The following DLX4 variants were observed in gnomAD, a reference collection of about 807,000 sequenced individuals.
DLX4 encodes the protein distal-less homeobox 4, also known as homeobox protein DLX-4.
DLX4 carries 13 observed loss-of-function variants against 17.1 expected under a neutral mutation model. The ratio of observed to expected loss-of-function variants is 0.76; its 90% confidence interval spans 0.49 to 1.21. DLX4 has a LOEUF of 1.21. DLX4 is among the 50% of genes most tolerant of loss of function. The pLI, the probability that DLX4 is intolerant of heterozygous loss-of-function variation, is 0.00. For synonymous variants in DLX4, 129 were observed against 140.3 expected, an observed-to-expected ratio of 0.92 and a Z score of 0.57; for missense variants, 297 against 301.4, an observed-to-expected ratio of 0.99 and a Z score of 0.11.
At chr17:49,970,518 C>T (rs1905468976) in intron 1 of DLX4, among the ~76,000 whole-genome samples, 1 of 152,202 alleles carries the variant, frequency 6.6e-6, no homozygotes, top group African/African-American at 2.4e-5. Context: ...TGGAGCAACT[C>T]TGAGCTCCTG....
At position 49,969,362 on chromosome 17, in the gene DLX4, G is replaced by C; in HGVS notation, c.-107G>C. 2.3e-6 allele frequency: 3 copies of C among 1,304,386 alleles called. No homozygotes were observed. Among genetic ancestry groups the C allele is most frequent in the Non-Finnish European group, 3.1e-6 (3 of 971,502 alleles). The allele number at this position is 1,304,386 out of a possible 1,614,324, so 80.8% of individuals were successfully genotyped here. The stretch of plus-strand genomic sequence containing the variant: ...CGGGATCTTAAGTGTGGGGGCTGCT[G>C]GCTGGGGGGCCCGTCCGGCCCAACG... On this transcript the variant is annotated 5_prime_UTR_variant, in exon 1 of 3. Transcript: ENST00000240306.
In DLX4 at chr17:49,974,012, C is replaced by T; in HGVS notation, c.*69C>T. The T allele has an allele frequency of 6.7e-7, 1 of 1,495,544 alleles. No homozygotes were observed. Among genetic ancestry groups the T allele is most frequent in the Non-Finnish European group, 8.9e-7 (1 of 1,121,758 alleles). 92.6% of individuals were successfully genotyped at this position (1,495,544 alleles called of 1,614,324 possible). A position where few individuals can be genotyped will look rare whatever the true frequency, so the allele number is the denominator to read the frequency against. On this transcript the variant is annotated 3_prime_UTR_variant, in exon 3 of 3. Coordinates refer to ENST00000240306, the MANE Select transcript of DLX4 (RefSeq NM_138281.3). ...CCAGGACCCAGGCAGTCCACCTGCACCCCTTCTGGGCTGGGAGGAAACCAG... is the reference window on the plus strand; with the variant it reads ...CCAGGACCCAGGCAGTCCACCTGCATCCCTTCTGGGCTGGGAGGAAACCAG...
rs1302022438 is a variant in DLX4 at position 49,972,792 on chromosome 17, TGGCCCTC to T, written c.284-277_284-271del. ...CGCAGGCGCCGCGGTACCCTGGCTG[TGGCCCTC>T]GGCGCTTTCTTCCTAGGGTCACAGG... On this transcript the variant is annotated intron_variant, in intron 1 of 2. Coordinates refer to ENST00000240306, the MANE Select transcript of DLX4 (RefSeq NM_138281.3). This position sits in a 1 kb window ranked among gnomAD's most constrained non-coding sequence, Gnocchi z 5.4. 5.0e-6 allele frequency: 7 copies of T among 1,388,472 alleles called. No individual in the cohort carries two copies. In the East Asian group the frequency reaches 1.4e-4, roughly 27 times the overall value. 86.0% of individuals were successfully genotyped at this position (1,388,472 alleles called of 1,614,324 possible).
At position 49,972,876 on chromosome 17, in the gene DLX4, G is replaced by A. The variant is rs1905557943; in HGVS notation, c.284-197G>A. 4.1e-6 allele frequency: 6 copies of A among 1,446,812 alleles called. No individual in the cohort carries two copies. In the East Asian group the frequency reaches 1.0e-4, roughly 24 times the overall value. 89.6% of individuals were successfully genotyped at this position (1,446,812 alleles called of 1,614,324 possible). On this transcript the variant is annotated intron_variant, in intron 1 of 2. Transcript: ENST00000240306. This position sits in a 1 kb window ranked among gnomAD's most constrained non-coding sequence, Gnocchi z 5.4. ...AGCAGAACTGCGTCTTGTATCACCT[G>A]GCGCGGTGAACGTGGGGGTTGAAAC... is the stretch of plus-strand genomic sequence containing the variant.
Position 49,972,825 on chromosome 17 carries a change from A to G in DLX4, c.284-248A>G. 7.0e-7 allele frequency: 1 copy of G among 1,423,666 alleles called. No homozygotes were observed. 88.2% of individuals were successfully genotyped at this position (1,423,666 alleles called of 1,614,324 possible). A position where few individuals can be genotyped will look rare whatever the true frequency, so the allele number is the denominator to read the frequency against. ...GGCGCTTTCTTCCTAGGGTCACAGG[A>G]CCCATACGAGTGGGAGCTCCCTGGG... On this transcript the variant is annotated intron_variant, in intron 1 of 2. Coordinates refer to ENST00000240306, the MANE Select transcript of DLX4 (RefSeq NM_138281.3). The surrounding 1 kb of genome is among the most constrained non-coding windows in gnomAD (Gnocchi z 5.4).
In DLX4 at chr17:49,973,183, C is replaced by A; in HGVS notation, c.394C>A (p.Leu132Ile). Residue 132 changes from leucine (L) to isoleucine (I), a missense_variant, in exon 2 of 3, where the codon CTA (leucine) becomes ATA (isoleucine). Transcript: ENST00000240306. ...TIYSSLQLQHLNQRFQHTQYL... is the reference protein window; with the variant it reads ...TIYSSLQLQHINQRFQHTQYL... ...CTACTCCAGCCTGCAGCTGCAGCACCTAAACCAGCGTTTCCAGCACACGCA... is the reference window on the plus strand; with the variant it reads ...CTACTCCAGCCTGCAGCTGCAGCACATAAACCAGCGTTTCCAGCACACGCA... 1 of 1,614,224 alleles carries A rather than the reference C, an allele frequency of 6.2e-7. No individual in the cohort carries two copies. Among genetic ancestry groups the A allele is most frequent in the East Asian group, 2.2e-5 (1 of 44,882 alleles).
chr17:49,970,480 G>A (rs1335457973), intron 1 of DLX4, among the ~76,000 whole-genome samples: 3 of 152,194 alleles, frequency 2.0e-5, no homozygotes, highest in Non-Finnish European at 2.9e-5. Flanking sequence ...TTGGCTTTGG[G>A]GTAGGTTAGG....
intron 2 of DLX4, 83 bp downstream of exon 2, chr17:49,973,352 T>C (rs753916651): frequency 8.2e-5 from 126 of 1,535,510 alleles, no homozygotes; most frequent in Admixed American, 3.2e-4. Flanking sequence ...TGTGAATGAC[T>C]GATGGATTGG....
chr17:49,973,763 G>A lies in DLX4; in HGVS notation c.543G>A (p.Gly181=), dbSNP rs1598148578. The A allele has an allele frequency of 6.4e-7, 1 of 1,551,192 alleles. No individual in the cohort carries two copies. Residue 181 remains glycine, a synonymous_variant, in exon 3 of 3, where the codon GGG becomes GGA. Coordinates refer to ENST00000240306, the MANE Select transcript of DLX4 (RefSeq NM_138281.3). ...KYKKLLKQNS[G]GQEGDFPGRT... is the part of the protein sequence containing the mutation. ...AGAAGCTCCTGAAGCAGAATTCTGG[G>A]GGGCAGGAAGGGGACTTCCCTGGGA...
chr17:49,969,387 G>T lies in DLX4; in HGVS notation c.-82G>T. 1 of 1,447,386 alleles carries T rather than the reference G, an allele frequency of 6.9e-7. No individual in the cohort carries two copies. The highest frequency in any genetic ancestry group is 9.1e-7 in the Non-Finnish European group (1 of 1,099,908). The allele number at this position is 1,447,386 out of a possible 1,614,324, so 89.7% of individuals were successfully genotyped here. A position where few individuals can be genotyped will look rare whatever the true frequency, so the allele number is the denominator to read the frequency against. On this transcript the variant is annotated 5_prime_UTR_variant, in exon 1 of 3. Coordinates refer to ENST00000240306, the MANE Select transcript of DLX4 (RefSeq NM_138281.3). ...GGCTGGGGGGCCCGTCCGGCCCAAC[G>T]CCGGAGGCTTGGAAAAGAGAGTTGG...
Position 49,969,379 on chromosome 17 carries a change from G to A in DLX4, c.-90G>A, listed in dbSNP as rs550167186. ...GGGCTGCTGGCTGGGGGGCCCGTCC[G>A]GCCCAACGCCGGAGGCTTGGAAAAG... is the stretch of plus-strand genomic sequence containing the variant. On this transcript the variant is annotated 5_prime_UTR_variant, in exon 1 of 3. Transcript: ENST00000240306. The A allele has an allele frequency of 4.9e-5, 69 of 1,418,400 alleles. No individual in the cohort carries two copies. The highest frequency in any genetic ancestry group is 5.7e-5 in the Non-Finnish European group (61 of 1,075,730). The allele number at this position is 1,418,400 out of a possible 1,614,324, so 87.9% of individuals were successfully genotyped here. A position where few individuals can be genotyped will look rare whatever the true frequency, so the allele number is the denominator to read the frequency against.
chr17:49,974,016 T>C lies in DLX4; in HGVS notation c.*73T>C. 3.4e-6 allele frequency: 5 copies of C among 1,468,836 alleles called. No individual in the cohort carries two copies. Among genetic ancestry groups the C allele is most frequent in the Non-Finnish European group, 4.5e-6 (5 of 1,113,980 alleles). The allele number at this position is 1,468,836 out of a possible 1,614,324, so 91.0% of individuals were successfully genotyped here. A position where few individuals can be genotyped will look rare whatever the true frequency, so the allele number is the denominator to read the frequency against. ...GACCCAGGCAGTCCACCTGCACCCC[T>C]TCTGGGCTGGGAGGAAACCAGCTCC... On this transcript the variant is annotated 3_prime_UTR_variant, in exon 3 of 3. Transcript: ENST00000240306.
Position 49,973,743 on chromosome 17 carries a change from C to A in DLX4, c.523C>A (p.Leu175Ile). The change falls in exon 3 of 3, where the codon CTC (leucine) becomes ATC (isoleucine). Residue 175 changes from leucine to isoleucine, a missense_variant. Leu to Ile is a conservative substitution (Grantham distance 5, BLOSUM62 2). Coordinates refer to ENST00000240306, the MANE Select transcript of DLX4 (RefSeq NM_138281.3). ...GAACAAACGCTCCAAGTATAAGAAGCTCCTGAAGCAGAATTCTGGGGGGCA... is the reference window on the plus strand; with the variant it reads ...GAACAAACGCTCCAAGTATAAGAAGATCCTGAAGCAGAATTCTGGGGGGCA... ...FQNKRSKYKK[L>I]LKQNSGGQEG... 6.5e-7 allele frequency: 1 copy of A among 1,527,836 alleles called. No individual in the cohort carries two copies. Among genetic ancestry groups the A allele is most frequent in the Non-Finnish European group, 8.8e-7 (1 of 1,137,866 alleles). 94.6% of individuals were successfully genotyped at this position (1,527,836 alleles called of 1,614,324 possible). A position where few individuals can be genotyped will look rare whatever the true frequency, so the allele number is the denominator to read the frequency against.
rs531388419 is a variant in DLX4, at chr17:49,972,830, T to C, written c.284-243T>C. 37 of 1,425,612 alleles carry C rather than the reference T, an allele frequency of 2.6e-5. No homozygotes were observed. The African/African-American group carries it at 2.9e-4, about 11-fold the overall frequency. 88.3% of individuals were successfully genotyped at this position (1,425,612 alleles called of 1,614,324 possible). On this transcript the variant is annotated intron_variant, in intron 1 of 2. Transcript: ENST00000240306. The surrounding 1 kb of genome is among the most constrained non-coding windows in gnomAD (Gnocchi z 5.4). The stretch of plus-strand genomic sequence containing the variant: ...TTTCTTCCTAGGGTCACAGGACCCA[T>C]ACGAGTGGGAGCTCCCTGGGAGCAG...
At position 49,969,561 on chromosome 17, in the gene DLX4, C is replaced by T. The variant is rs749841142; in HGVS notation, c.93C>T (p.Tyr31=). Residue 31 remains tyrosine (Y), a synonymous_variant, in exon 1 of 3, where the codon TAC becomes TAT. Transcript: ENST00000240306. ...LAPVPSVAAA[Y]PLGLSPTTAA... is the part of the protein sequence containing the mutation. ...CTGTCCCGTCGGTAGCGGCTGCCTACCCGCTTGGCTTGTCCCCTACAACCG... is the reference window on the plus strand; with the variant it reads ...CTGTCCCGTCGGTAGCGGCTGCCTATCCGCTTGGCTTGTCCCCTACAACCG... The T allele has an allele frequency of 1.2e-6, 2 of 1,613,480 alleles. No homozygotes were observed. The highest frequency in any genetic ancestry group is 1.6e-4 in the Middle Eastern group (1 of 6,084).
chr17:49,969,695 C>T lies in DLX4; in HGVS notation c.227C>T (p.Ala76Val). Reference protein sequence around the residue: ...GDSYLSCQQPAALSQPLCGPA... With the variant: ...GDSYLSCQQPVALSQPLCGPA... ...TCCTACCTGTCCTGCCAGCAACCCG[C>T]GGCGCTCTCTCAGCCCCTCTGCGGA... Residue 76 changes from alanine to valine, a missense_variant, in exon 1 of 3, where the codon GCG becomes GTG. Transcript: ENST00000240306. 1 of 1,604,026 alleles carries T rather than the reference C, an allele frequency of 6.2e-7. No homozygotes were observed. Among genetic ancestry groups the T allele is most frequent in the African/African-American group, 1.3e-5 (1 of 74,990 alleles).
Position 49,969,697 on chromosome 17 carries a change from G to A in DLX4, c.229G>A (p.Ala77Thr), listed in dbSNP as rs747294059. 6.9e-6 allele frequency: 11 copies of A among 1,603,530 alleles called. No individual in the cohort carries two copies. The highest frequency in any genetic ancestry group is 8.5e-6 in the Non-Finnish European group (10 of 1,179,808). The change falls in exon 1 of 3, where the codon GCG becomes ACG. Residue 77 changes from alanine (A) to threonine (T), a missense_variant. Coordinates refer to ENST00000240306, the MANE Select transcript of DLX4 (RefSeq NM_138281.3). ...DSYLSCQQPA[A>T]LSQPLCGPAE... Reference sequence around the variant, plus strand: ...CTACCTGTCCTGCCAGCAACCCGCGGCGCTCTCTCAGCCCCTCTGCGGACC... The same window carrying A: ...CTACCTGTCCTGCCAGCAACCCGCGACGCTCTCTCAGCCCCTCTGCGGACC...
At chr17:49,968,675 G>A (rs1039529275), upstream of DLX4, among the ~76,000 whole-genome samples, 5 of 151,918 alleles carry the variant, frequency 3.3e-5, no homozygotes, top group Non-Finnish European at 7.4e-5. Context: ...ACGCGTGCGG[G>A]GCAGGCTGGG....
chr17:49,972,916 G>A lies in DLX4; in HGVS notation c.284-157G>A. 1 of 1,463,328 alleles carries A rather than the reference G, an allele frequency of 6.8e-7. No individual in the cohort carries two copies. Among genetic ancestry groups the A allele is most frequent in the Non-Finnish European group, 9.1e-7 (1 of 1,104,524 alleles). The allele number at this position is 1,463,328 out of a possible 1,614,324, so 90.6% of individuals were successfully genotyped here. ...GGGGTTGAAACGCTCCACGCGGAAG[G>A]TAGAGGGCAGGGGCCAAGGGGGCGA... On this transcript the variant is annotated intron_variant, in intron 1 of 2. Transcript: ENST00000240306. This position sits in a 1 kb window ranked among gnomAD's most constrained non-coding sequence, Gnocchi z 5.4.
Sources: gnomAD v4.1 joint callset for allele counts (sites outside exome capture counted in the v4.1 genomes callset) on GRCh38, gnomAD v4.1.1 for gene constraint, Gnocchi (gnomAD v3.1) non-coding constraint, MANE v1.5 for transcripts, NCBI Gene and HGNC (gene_info 2026-07-23, HGNC 2026-07-21) for gene names.